Variants in SEZ6L2 observed in about 807,000 individuals in gnomAD.
SEZ6L2 encodes seizure related 6 homolog like 2.
In SEZ6L2, 44 loss-of-function variants were observed where a neutral mutation model predicts 97.0. That is an observed-to-expected ratio of 0.45 (90% CI 0.36 to 0.58). SEZ6L2 has a LOEUF of 0.58. Ranked by LOEUF, SEZ6L2 falls within the 20% of genes least tolerant of loss-of-function variation. SEZ6L2 has a pLI of 0.00. For synonymous variants in SEZ6L2, 543 were observed against 546.1 expected (o/e 0.99, Z 0.08); for missense variants, 1,086 against 1,233.3 (o/e 0.88, Z 1.79).
intron 8 of SEZ6L2, among the ~76,000 whole-genome samples, chr16:29,884,370 T>C (rs1445118755): frequency 3.9e-5 from 6 of 152,126 alleles, no homozygotes; most frequent in Non-Finnish European, 8.8e-5. Flanking sequence ...CATGGGCGAA[T>C]CACTTGAGCC....
rs2068474627 is a variant in SEZ6L2, at chr16:29,899,107, ATTGTT to A, written c.-93_-89del. On this transcript the variant is annotated 5_prime_UTR_variant, in exon 1 of 18. Coordinates refer to ENST00000617533, the MANE Select transcript of SEZ6L2 (RefSeq NM_001243332.2). Reference sequence around the variant, plus strand: ...CCGTCTCCGTTTATCTTTCCCTTTAATTGTTTTTTTTTTTTTTTTTTTTTTCCTCG... The same window carrying A: ...CCGTCTCCGTTTATCTTTCCCTTTAATTTTTTTTTTTTTTTTTTTTCCTCG... The A allele has an allele frequency of 2.9e-6, 2 of 688,568 alleles. No individual in the cohort carries two copies. The highest frequency in any genetic ancestry group is 2.3e-5 in the African/African-American group (1 of 42,798). 42.7% of individuals were successfully genotyped at this position (688,568 alleles called of 1,614,324 possible).
At chr16:29,889,068 C>G (rs568378697) in intron 5 of SEZ6L2, among the ~76,000 whole-genome samples, 75 of 127,220 alleles carry the variant, frequency 5.9e-4, no homozygotes, top group Middle Eastern at 3.7e-3. Flanking sequence ...GAACTTCATC[C>G]AGCTGTAATA....
chr16:29,885,676 G>T lies in SEZ6L2; in HGVS notation c.1282C>A (p.Arg428=), dbSNP rs751685877. The stretch of plus-strand genomic sequence containing the variant: ...GACTGGGCGTCACTGATGAGACCCC[G>T]CTCGGGGACATCGTCCATGTCCGAA... The part of the protein sequence containing the change: ...YDSDMDDVPE[R]GLISDAQSLY... Residue 428 remains arginine (R), a synonymous_variant, in exon 8 of 18, where the codon CGG becomes AGG. Coordinates refer to ENST00000617533, the MANE Select transcript of SEZ6L2 (RefSeq NM_001243332.2). The T allele has an allele frequency of 1.9e-6, 3 of 1,613,868 alleles. No individual in the cohort carries two copies. The highest frequency in any genetic ancestry group is 1.7e-6 in the Non-Finnish European group (2 of 1,179,964).
chr16:29,879,764 G>A, intron 9 of SEZ6L2, 100 bp downstream of exon 9: 4 of 1,087,656 alleles, frequency 3.7e-6, no homozygotes, highest in South Asian at 3.1e-5. Context: ...GGTGGATGAA[G>A]TCTGGATGTG....
At chr16:29,874,796 C>G (rs1317348991) in intron 12 of SEZ6L2, among the ~76,000 whole-genome samples, 3 of 151,904 alleles carry the variant, frequency 2.0e-5, no homozygotes, top group African/African-American at 4.8e-5. Context: ...GTCTCGAACT[C>G]CTGACCTCAG....
At position 29,876,414 on chromosome 16, in the gene SEZ6L2, G is replaced by A. The variant is rs1391598252; in HGVS notation, c.2104+342C>T. ...CGGGGAGCCCAGTGGGAACCTGGTC[G>A]GAGCCCTTTTAGGGGCCAAACTCAG... On this transcript the variant is annotated intron_variant, in intron 12 of 17. Coordinates refer to ENST00000617533, the MANE Select transcript of SEZ6L2 (RefSeq NM_001243332.2). The surrounding 1 kb of genome is among the most constrained non-coding windows in gnomAD (Gnocchi z 6.5). Among the ~76,000 whole-genome samples, 1 of 151,954 alleles carries A rather than the reference G, an allele frequency of 6.6e-6. No individual in the cohort carries two copies. The highest frequency in any genetic ancestry group is 1.5e-5 in the Non-Finnish European group (1 of 67,984).
chr16:29,877,302 G>A lies in SEZ6L2; in HGVS notation c.1878C>T (p.Gly626=), dbSNP rs757853258. The change falls in exon 11 of 18, where the codon GGC becomes GGT. Residue 626 remains glycine (G), a synonymous_variant. Coordinates refer to ENST00000617533, the MANE Select transcript of SEZ6L2 (RefSeq NM_001243332.2). The stretch of plus-strand genomic sequence containing the variant: ...AGTGCAATACGAAGCCCTGGCCCAG[G>A]CCTGGATTTGGGGGCCCGGGCGGTG... ...FQAPPGPPNP[G]LGQGFVLHFK... is the part of the protein sequence containing the mutation. 1 of 1,609,340 alleles carries A rather than the reference G, an allele frequency of 6.2e-7. No individual in the cohort carries two copies. The highest frequency in any genetic ancestry group is 1.1e-5 in the South Asian group (1 of 90,522).
In SEZ6L2 at chr16:29,873,275, G is replaced by C. The variant is rs1344861560; in HGVS notation, c.2453C>G (p.Pro818Arg). ...TGGGGGCTGGCTGGTCCACTGGGAG[G>C]GGTGGCCGGGCACACAGGTGATGGT... ...EVTITCVPGH[P>R]SQWTSQPPLC... Residue 818 changes from proline (P) to arginine (R), a missense_variant, in exon 14 of 18, where the codon CCC (proline) becomes CGC (arginine). This residue lies in a region of SEZ6L2 where 310 missense variants were observed against 438.6 expected (regional missense o/e 0.71). Coordinates refer to ENST00000617533, the MANE Select transcript of SEZ6L2 (RefSeq NM_001243332.2). The surrounding 1 kb of genome is among the most constrained non-coding windows in gnomAD (Gnocchi z 4.3). The C allele has an allele frequency of 5.0e-6, 8 of 1,613,978 alleles. No individual in the cohort carries two copies. The highest frequency in any genetic ancestry group is 1.3e-5 in the African/African-American group (1 of 74,932).
Position 29,897,961 on chromosome 16 carries a change from T to C in SEZ6L2, c.103A>G (p.Ile35Val), listed in dbSNP as rs145416997. The C allele has an allele frequency of 1.1e-5, 17 of 1,613,436 alleles. No individual in the cohort carries two copies. The highest frequency in any genetic ancestry group is 1.3e-5 in the African/African-American group (1 of 74,922). ...GTCTCACTTCCAGGCTCTGGCAATA[T>C]CTCCTCCTCCTTCAGGGGCAGACCT... ...IQGLPLKEEE[I>V]LPEPGSETPT... is the part of the protein sequence containing the mutation. The change falls in exon 2 of 18, where the codon ATA becomes GTA. Residue 35 changes from isoleucine (I) to valine (V), a missense_variant. Transcript: ENST00000617533.
At chr16:29,886,078 C>CT (rs2068134357) in intron 7 of SEZ6L2, 1 of 189,882 alleles carries the variant, frequency 5.3e-6, no homozygotes, top group South Asian at 1.4e-4. Flanking sequence ...ATAGCAGATG[C>CT]TTGACCAGGC....
At chr16:29,885,210 A>G (rs1567419125) in intron 8 of SEZ6L2, among the ~76,000 whole-genome samples, 1 of 70,096 alleles carries the variant, frequency 1.4e-5, no homozygotes, top group South Asian at 3.1e-4. Flanking sequence ...TCGTCTCAAA[A>G]AATAAATAAA....
chr16:29,886,485 C>T (rs780949735), intron 7 of SEZ6L2, among the ~76,000 whole-genome samples: 12 of 151,390 alleles, frequency 7.9e-5, no homozygotes, highest in Non-Finnish European at 1.0e-4. Flanking sequence ...ACCATCCTGG[C>T]TAACACGGTG....
intron 10 of SEZ6L2, among the ~76,000 whole-genome samples, chr16:29,877,708 T>C (rs1244617735): frequency 3.9e-5 from 6 of 152,162 alleles, no homozygotes; most frequent in Admixed American, 3.3e-4. Context: ...TCCCTAAGCT[T>C]GCACATTACT....
chr16:29,888,562 G>A lies in SEZ6L2; in HGVS notation c.1017C>T (p.Asn339=), dbSNP rs148094891. ...CACCCATGCAGCTGGGGGTTTCACC[G>A]TTCCAGGATGGCCGGGTGCCATTGA... ...ICLNGTRPSW[N]GETPSCMASC... Residue 339 remains asparagine (N), a synonymous_variant, in exon 6 of 18, where the codon AAC becomes AAT. Coordinates refer to ENST00000617533, the MANE Select transcript of SEZ6L2 (RefSeq NM_001243332.2). The A allele has an allele frequency of 3.2e-5, 51 of 1,613,864 alleles. No individual in the cohort carries two copies. The highest frequency in any genetic ancestry group is 2.0e-4 in the African/African-American group (15 of 74,998).
chr16:29,892,534 C>T (rs558705434), intron 5 of SEZ6L2, among the ~76,000 whole-genome samples: 2 of 152,218 alleles, frequency 1.3e-5, no homozygotes, highest in Non-Finnish European at 2.9e-5. Flanking sequence ...TGCTGGCCCC[C>T]GATGAATAGG....
In SEZ6L2 at chr16:29,876,406, A is replaced by G. The variant is rs938232451; in HGVS notation, c.2104+350T>C. Among the ~76,000 whole-genome samples, 1 of 151,706 alleles carries G rather than the reference A, an allele frequency of 6.6e-6. No homozygotes were observed. The highest frequency in any genetic ancestry group is 2.4e-5 in the African/African-American group (1 of 41,290). ...TGTGGACCCGGGGAGCCCAGTGGGA[A>G]CCTGGTCGGAGCCCTTTTAGGGGCC... On this transcript the variant is annotated intron_variant, in intron 12 of 17. Coordinates refer to ENST00000617533, the MANE Select transcript of SEZ6L2 (RefSeq NM_001243332.2). This position sits in a 1 kb window ranked among gnomAD's most constrained non-coding sequence, Gnocchi z 6.5.
chr16:29,873,717 G>C lies in SEZ6L2; in HGVS notation c.2117C>G (p.Ala706Gly). The change falls in exon 13 of 18, where the codon GCT becomes GGT. Residue 706 changes from alanine to glycine, a missense_variant. Physicochemically the swap from Ala to Gly is moderately conservative, Grantham distance 60. Coordinates refer to ENST00000617533, the MANE Select transcript of SEZ6L2 (RefSeq NM_001243332.2). The surrounding 1 kb of genome is among the most constrained non-coding windows in gnomAD (Gnocchi z 4.3). ...CCCGTTGGCAATCTCGCCAGGGTCA[G>C]CACAAGTCATGACTGGTGGCAGAAG... ...PPACQKIMTCADPGEIANGHR... is the reference protein window; with the variant it reads ...PPACQKIMTCGDPGEIANGHR... 6.3e-7 allele frequency: 1 copy of C among 1,590,622 alleles called. No individual in the cohort carries two copies. The highest frequency in any genetic ancestry group is 8.5e-7 in the Non-Finnish European group (1 of 1,170,716).
In SEZ6L2 at chr16:29,873,239, C is replaced by T; in HGVS notation, c.2488+1G>A. ...CCCTCCTGCCCTGTCTGGCCAGGCA[C>T]CTTTGCAGAGTGGGGGCTGGCTGGT... is the stretch of plus-strand genomic sequence containing the variant. On this transcript the variant is annotated splice_donor_variant, in intron 14 of 17. Coordinates refer to ENST00000617533, the MANE Select transcript of SEZ6L2 (RefSeq NM_001243332.2). LOFTEE classifies it high-confidence loss of function. The surrounding 1 kb of genome is among the most constrained non-coding windows in gnomAD (Gnocchi z 4.3). 1 of 1,613,792 alleles carries T rather than the reference C, an allele frequency of 6.2e-7. No individual in the cohort carries two copies. The highest frequency in any genetic ancestry group is 8.5e-7 in the Non-Finnish European group (1 of 1,179,922).
At position 29,897,129 on chromosome 16, in the gene SEZ6L2, A is replaced by C; in HGVS notation, c.212-8T>G. On this transcript the variant is annotated splice_region_variant and splice_polypyrimidine_tract_variant and intron_variant, in intron 2 of 17. Coordinates refer to ENST00000617533, the MANE Select transcript of SEZ6L2 (RefSeq NM_001243332.2). ...TGGGGTCCCGATCAGATCCTGGGACAGTGCAGGGAATATCAGAGCACAGGA... is the reference window on the plus strand; with the variant it reads ...TGGGGTCCCGATCAGATCCTGGGACCGTGCAGGGAATATCAGAGCACAGGA... The C allele has an allele frequency of 6.5e-7, 1 of 1,541,528 alleles. No individual in the cohort carries two copies. The highest frequency in any genetic ancestry group is 8.7e-7 in the Non-Finnish European group (1 of 1,146,302).
Sources: gnomAD v4.1 joint callset for allele counts (sites outside exome capture counted in the v4.1 genomes callset) on GRCh38, gnomAD v4.1.1 for gene constraint, gnomAD v4.1.1 regional missense constraint, Gnocchi (gnomAD v3.1) non-coding constraint, MANE v1.5 for transcripts, NCBI Gene and HGNC (gene_info 2026-07-23, HGNC 2026-07-21) for gene names.